Variants in PLXDC1 observed in about 807,000 individuals in gnomAD.
The protein encoded by PLXDC1 is plexin domain containing 1.
Under a neutral mutation model 61.3 loss-of-function variants are expected in PLXDC1, and 39 were observed. That is an observed-to-expected ratio of 0.64 (90% CI 0.49 to 0.83). PLXDC1 has a LOEUF of 0.83. Among genes scored for constraint, PLXDC1 ranks in the 40% least tolerant of loss-of-function variants. The pLI is 0.00. For synonymous variants in PLXDC1, 212 were observed against 254.5 expected (o/e 0.83, Z 1.59); for missense variants, 596 against 666.5 (o/e 0.89, Z 1.17).
At chr17:39,070,811 C>T (rs1002778781) in intron 12 of PLXDC1, among the ~76,000 whole-genome samples, 1 of 152,138 alleles carries the variant, frequency 6.6e-6, no homozygotes, top group Non-Finnish European at 1.5e-5. Context: ...AACCTTGTCT[C>T]TACTAAAAAT....
chr17:39,100,878 G>T (rs1010951878), intron 7 of PLXDC1, among the ~76,000 whole-genome samples: 1 of 152,252 alleles, frequency 6.6e-6, no homozygotes, highest in Non-Finnish European at 1.5e-5. Flanking sequence ...GAGGGCAGGA[G>T]GGGTCGTGGG....
intron 9 of PLXDC1, among the ~76,000 whole-genome samples, chr17:39,082,408 C>CA (rs950710762): frequency 2.6e-5 from 4 of 151,708 alleles, no homozygotes; most frequent in African/African-American, 7.3e-5. Context: ...TAGAAAAATA[C>CA]AAAAAAATTA....
chr17:39,070,002 G>T lies in PLXDC1; in HGVS notation c.1237C>A (p.Leu413Met), dbSNP rs907730501. ...GGAGTGCCCTTTGTCTTGGGGGACA[G>T]GTTGTTCTGAAGGCCTGTGGAGAGA... ...YAGGDGLQNN[L>M]SPKTKGTPVH... The change falls in exon 13 of 14, where the codon CTG (leucine) becomes ATG (methionine). Residue 413 changes from leucine to methionine, a missense_variant. Coordinates refer to ENST00000315392, the MANE Select transcript of PLXDC1 (RefSeq NM_020405.5). 3 of 1,613,830 alleles carry T rather than the reference G, an allele frequency of 1.9e-6. No homozygotes were observed. The highest frequency in any genetic ancestry group is 3.3e-5 in the Admixed American group (2 of 59,990).
At chr17:39,129,541 C>T (rs768993200) in intron 2 of PLXDC1, among the ~76,000 whole-genome samples, 1 of 150,990 alleles carries the variant, frequency 6.6e-6, no homozygotes, top group South Asian at 2.1e-4. Context: ...CGTTTGAACC[C>T]GGGAGGCGGA....
intron 2 of PLXDC1, among the ~76,000 whole-genome samples, chr17:39,130,386 G>C (rs758945297): frequency 2.6e-5 from 4 of 151,992 alleles, no homozygotes; most frequent in Non-Finnish European, 5.9e-5. Context: ...CCAGGAGGTC[G>C]AGGCTGCAGT....
At position 39,115,951 on chromosome 17, in the gene PLXDC1, C is replaced by T. The variant is rs373183982; in HGVS notation, c.256-6560G>A. The stretch of plus-strand genomic sequence containing the variant: ...GCCAACATGGTGAAACCCATCTCTA[C>T]TAAAAATACAAAAATTAGCTGGGTG... On this transcript the variant is annotated intron_variant, in intron 2 of 13. Coordinates refer to ENST00000315392, the MANE Select transcript of PLXDC1 (RefSeq NM_020405.5). Among the ~76,000 whole-genome samples, 13 of 151,878 alleles carry T rather than the reference C, an allele frequency of 8.6e-5. No individual in the cohort carries two copies. In the East Asian group the frequency reaches 2.1e-3, roughly 25 times the overall value.
chr17:39,139,292 G>T (rs1460354447), intron 2 of PLXDC1, among the ~76,000 whole-genome samples: 1 of 152,182 alleles, frequency 6.6e-6, no homozygotes, highest in African/African-American at 2.4e-5. Context: ...GGTGGGGAAG[G>T]GCCCCATCTG....
At chr17:39,085,065 G>A (rs1166912739) in intron 8 of PLXDC1, among the ~76,000 whole-genome samples, 3 of 152,226 alleles carry the variant, frequency 2.0e-5, no homozygotes, top group Non-Finnish European at 4.4e-5. Flanking sequence ...ACAGAAAAAT[G>A]ACCACTCATT....
intron 2 of PLXDC1, among the ~76,000 whole-genome samples, chr17:39,129,711 G>GGAAAGAAAAGAAAGAAAGAAA (rs1911486645): frequency 4.6e-5 from 5 of 108,256 alleles, no homozygotes; most frequent in Non-Finnish European, 9.4e-5. Context: ...AAAGAAAGAA[G>GGAAAGAAAAGAAAGAAAGAAA]GAAAGAAAGA....
At chr17:39,086,044 G>T (rs192425370) in intron 8 of PLXDC1, among the ~76,000 whole-genome samples, 1 of 151,982 alleles carries the variant, frequency 6.6e-6, no homozygotes, top group Admixed American at 6.5e-5. Flanking sequence ...AAAATTCACC[G>T]GAGGGGTGAG....
intron 11 of PLXDC1, among the ~76,000 whole-genome samples, chr17:39,074,946 C>T (rs74387067): frequency 0.042 from 6,391 of 152,060 alleles, 135 homozygotes; most frequent in East Asian, 0.095. Context: ...TTTTCTTTTC[C>T]TTTTTCTTTC....
At chr17:39,140,431 G>A (rs564482213) in intron 1 of PLXDC1, among the ~76,000 whole-genome samples, 2 of 152,082 alleles carry the variant, frequency 1.3e-5, no homozygotes, top group African/African-American at 4.8e-5. Context: ...TCAGCCTCCC[G>A]AGTAGCTGGG....
chr17:39,136,935 T>C (rs940882025), intron 2 of PLXDC1, among the ~76,000 whole-genome samples: 10 of 152,224 alleles, frequency 6.6e-5, no homozygotes, highest in African/African-American at 1.7e-4. Context: ...AAGGATCACT[T>C]CCAGAAATGG....
At chr17:39,096,025 C>T (rs1344503117) in intron 7 of PLXDC1, among the ~76,000 whole-genome samples, 2 of 152,164 alleles carry the variant, frequency 1.3e-5, no homozygotes, top group African/African-American at 4.8e-5. Flanking sequence ...GTTTCAATGC[C>T]AGATGCCCAT....
At chr17:39,090,872 T>C (rs1909922604) in intron 7 of PLXDC1, among the ~76,000 whole-genome samples, 1 of 118,098 alleles carries the variant, frequency 8.5e-6, no homozygotes, top group African/African-American at 2.9e-5. Context: ...GTCCTTACTC[T>C]GTCTTTCTCC....
At chr17:39,107,982 G>A in intron 5 of PLXDC1, 141 bp downstream of exon 5, 1 of 1,068,026 alleles carries the variant, frequency 9.4e-7, no homozygotes, top group Non-Finnish European at 1.4e-6. Flanking sequence ...GACAGGTCAG[G>A]AAACTGAGCA....
At chr17:39,147,886 T>C (rs924178996) in intron 1 of PLXDC1, among the ~76,000 whole-genome samples, 1 of 152,084 alleles carries the variant, frequency 6.6e-6, no homozygotes, top group African/African-American at 2.4e-5. Flanking sequence ...GTTTTCTTCA[T>C]GGAGACATAC....
At chr17:39,129,586 CA>C (rs1172828409) in intron 2 of PLXDC1, among the ~76,000 whole-genome samples, 1 of 150,438 alleles carries the variant, frequency 6.6e-6, no homozygotes, top group East Asian at 1.9e-4. Flanking sequence ...CACTACACTC[CA>C]GCCTGGGCGA....
chr17:39,135,152 T>C (rs575483669), intron 2 of PLXDC1, among the ~76,000 whole-genome samples: 171 of 152,338 alleles, frequency 1.1e-3, no homozygotes, highest in African/African-American at 3.8e-3. Context: ...ACCTGACATC[T>C]GCACTCTCCA....
Sources: gnomAD v4.1 joint callset for allele counts (sites outside exome capture counted in the v4.1 genomes callset) on GRCh38, gnomAD v4.1.1 for gene constraint, MANE v1.5 for transcripts, NCBI Gene and HGNC (gene_info 2026-07-23, HGNC 2026-07-21) for gene names.